The following EFCAB8 variants were observed in gnomAD, a reference collection of about 807,000 sequenced individuals.
The protein encoded by EFCAB8 is EF-hand calcium-binding domain-containing protein 8.
In EFCAB8, 100 loss-of-function variants were observed where a neutral mutation model predicts 116.3. The observed-to-expected ratio is 0.86, with a 90% CI of 0.73 to 1.02. EFCAB8 has a LOEUF of 1.02. Among genes scored for constraint, EFCAB8 ranks in the 50% least tolerant of loss-of-function variants. The pLI, the probability that EFCAB8 is intolerant of heterozygous loss-of-function variation, is 0.00. For synonymous variants in EFCAB8, 558 were observed against 567.9 expected (o/e 0.98, Z 0.25); for missense variants, 1,320 against 1,416.9 (o/e 0.93, Z 1.10).
At chr20:32,927,327 G>GTTTA (rs965684529) in intron 20 of EFCAB8, among the ~76,000 whole-genome samples, 5 of 151,994 alleles carry the variant, frequency 3.3e-5, no homozygotes, top group African/African-American at 9.6e-5. Flanking sequence ...ACCATGATTT[G>GTTTA]TTTATTTATT....
In EFCAB8 at chr20:32,937,223, G is replaced by T. The variant is rs191287750; in HGVS notation, c.2790+5887G>T. Among the ~76,000 whole-genome samples, 837 of 152,002 alleles carry T rather than the reference G, an allele frequency of 5.5e-3. 6 individuals are homozygous for T. The highest frequency in any genetic ancestry group is 0.014 in the Middle Eastern group (4 of 294). On this transcript the variant is annotated intron_variant, in intron 22 of 26. Coordinates refer to ENST00000400522, the MANE Select transcript of EFCAB8 (RefSeq NM_001143967.2). ...TCGAACTCCAGACCTCAGGTGATCC[G>T]ACTGCCTCGGCCTCCCAAAGTGCTG...
Position 32,943,773 on chromosome 20 carries a change from C to G in EFCAB8, c.2928C>G (p.Val976=). 1 of 416,854 alleles carries G rather than the reference C, an allele frequency of 2.4e-6. No homozygotes were observed. Among genetic ancestry groups the G allele is most frequent in the Middle Eastern group, 3.1e-4 (1 of 3,224 alleles). 25.8% of individuals were successfully genotyped at this position (416,854 alleles called of 1,614,324 possible). Residue 976 remains valine (V), a synonymous_variant, in exon 23 of 27, where the codon GTC becomes GTG. Transcript: ENST00000400522. The stretch of plus-strand genomic sequence containing the variant: ...TCAGCGCTGGCCAGGACCGGGACGT[C>G]AAGGCTTGGAAACTCTCCGGTGATG... ...LVISAGQDRD[V]KAWKLSGDAI...
chr20:32,929,849 G>A (rs1568936207), intron 20 of EFCAB8, among the ~76,000 whole-genome samples: 2 of 152,158 alleles, frequency 1.3e-5, no homozygotes, highest in African/African-American at 4.8e-5. Context: ...ACTTCCCACT[G>A]TGGCCCCCAC....
chr20:32,871,256 A>AT (rs1303695213), intron 3 of EFCAB8, among the ~76,000 whole-genome samples: 3 of 151,084 alleles, frequency 2.0e-5, no homozygotes, highest in South Asian at 2.1e-4. Flanking sequence ...CTTTGCTTTT[A>AT]TTTTTTTTAA....
Position 32,872,857 on chromosome 20 carries a change from C to T in EFCAB8, c.209-3069C>T, listed in dbSNP as rs150121624. ...CTGTAATCCCAGCATTTTGGGAGGC[C>T]GAGGTGGGCGGATCGCCTGTGGTCA... is the stretch of plus-strand genomic sequence containing the variant. On this transcript the variant is annotated intron_variant, in intron 3 of 26. Transcript: ENST00000400522. 1.9e-3 allele frequency among the ~76,000 whole-genome samples: 284 copies of T among 149,572 alleles called. 3 individuals are homozygous for T. Among genetic ancestry groups the T allele is most frequent in the African/African-American group, 6.4e-3 (258 of 40,494 alleles).
Position 32,867,606 on chromosome 20 carries a change from A to G in EFCAB8, c.67A>G (p.Asn23Asp). ...QKLSIPHGFQNKEAASSPTPS... is the reference protein window; with the variant it reads ...QKLSIPHGFQDKEAASSPTPS... ...GCTGTCCATCCCACATGGCTTCCAG[A>G]ACAAGGAGGCTGCTAGCTCCCCAAC... The change falls in exon 3 of 27, where the codon AAC becomes GAC. Residue 23 changes from asparagine (N) to aspartate (D), a missense_variant. Physicochemically the swap from Asn to Asp is conservative, Grantham distance 23. Transcript: ENST00000400522. 2.6e-6 allele frequency: 4 copies of G among 1,551,678 alleles called. 1 individual carries two copies. The Admixed American group carries it at 5.9e-5, about 23-fold the overall frequency.
chr20:32,930,547 C>G lies in EFCAB8; in HGVS notation c.2562C>G (p.Val854=). The G allele has an allele frequency of 1.3e-6, 2 of 1,552,262 alleles. No individual in the cohort carries two copies. The highest frequency in any genetic ancestry group is 1.7e-6 in the Non-Finnish European group (2 of 1,147,110). ...TGGACCTAGACAATGGGGATGTTGT[C>G]GTGGGTGCCATGGCCACTGATAAAA... The part of the protein sequence containing the change: ...FPVDLDNGDV[V]VGAMATDKND... The change falls in exon 21 of 27, where the codon GTC becomes GTG. Residue 854 remains valine, a synonymous_variant. Coordinates refer to ENST00000400522, the MANE Select transcript of EFCAB8 (RefSeq NM_001143967.2).
chr20:32,898,160 T>G (rs930723138), intron 10 of EFCAB8, among the ~76,000 whole-genome samples: 1 of 152,222 alleles, frequency 6.6e-6, no homozygotes, highest in African/African-American at 2.4e-5. Flanking sequence ...GATAACTAGA[T>G]TGTGGCCTGG....
At chr20:32,898,942 G>A (rs1986294478) in intron 11 of EFCAB8, among the ~76,000 whole-genome samples, 1 of 152,276 alleles carries the variant, frequency 6.6e-6, no homozygotes, top group East Asian at 1.9e-4. Context: ...GTGAAAGCAC[G>A]TACCTCACTT....
chr20:32,867,146 C>T (rs914014805), intron 2 of EFCAB8, among the ~76,000 whole-genome samples: 1 of 152,186 alleles, frequency 6.6e-6, no homozygotes, highest in Non-Finnish European at 1.5e-5. Flanking sequence ...TCTCAAACTC[C>T]TGACCTCAAA....
At chr20:32,890,546 C>T (rs1037991610) in intron 7 of EFCAB8, among the ~76,000 whole-genome samples, 3 of 152,170 alleles carry the variant, frequency 2.0e-5, no homozygotes, top group Non-Finnish European at 4.4e-5. Flanking sequence ...GTGCCTGGTA[C>T]CTTCTGGATG....
At position 32,860,493 on chromosome 20, in the gene EFCAB8, CTTTTTTTTTTT is replaced by C. The variant is rs71190881; in HGVS notation, c.-11+1508_-11+1518del. 1.6e-3 allele frequency among the ~76,000 whole-genome samples: 134 copies of C among 83,986 alleles called. 2 individuals are homozygous for C. The South Asian group carries it at 0.021, about 13-fold the overall frequency. The allele number at this position is 83,986 out of a possible 152,430, so 55.1% of individuals were successfully genotyped here. On this transcript the variant is annotated intron_variant, in intron 1 of 26. Transcript: ENST00000400522. ...TTTGTTCCATCGCTGATGGTGGTAA[CTTTTTTTTTTT>C]TTTTTTTTTTTTTTTTTTTTGAGAT...
At chr20:32,884,430 A>G (rs1490057887) in intron 5 of EFCAB8, among the ~76,000 whole-genome samples, 2 of 152,200 alleles carry the variant, frequency 1.3e-5, no homozygotes, top group Non-Finnish European at 2.9e-5. Context: ...TGGCCCTGAC[A>G]GAAGTGGCAG....
rs144400554 is a variant in EFCAB8, at chr20:32,863,570, C to G, written c.-10-213C>G. On this transcript the variant is annotated intron_variant, in intron 1 of 26. Transcript: ENST00000400522. ...CCTCTCTATCAGGGGAAGAAAGGCT[C>G]AAGTGCAAGCTTGGCAAAAGCTTTT... Among the ~76,000 whole-genome samples, 664 of 152,234 alleles carry G rather than the reference C, an allele frequency of 4.4e-3. 7 individuals are homozygous for G. The highest frequency in any genetic ancestry group is 0.015 in the African/African-American group (641 of 41,520).
intron 2 of EFCAB8, 21 bp downstream of exon 2, chr20:32,863,855 A>C (rs1248737868): frequency 1.3e-6 from 2 of 1,551,110 alleles, no homozygotes; most frequent in East Asian, 2.4e-5. Context: ...CAATTATCTG[A>C]ACTAATAAAG....
At chr20:32,912,893 G>A (rs1343889335) in intron 17 of EFCAB8, 29 bp downstream of exon 17, 1 of 715,654 alleles carries the variant, frequency 1.4e-6, no homozygotes, top group South Asian at 1.5e-5. Context: ...TGGTGAGTAG[G>A]TTCCAGTAGC....
intron 2 of EFCAB8, 94 bp downstream of exon 2, chr20:32,863,928 C>A: frequency 7.2e-7 from 1 of 1,397,968 alleles, no homozygotes; most frequent in Non-Finnish European, 9.7e-7. Flanking sequence ...GGTGTTTCTG[C>A]ATCGGGGAGG....
chr20:32,889,489 C>A, intron 7 of EFCAB8, 83 bp downstream of exon 7: 3 of 1,329,052 alleles, frequency 2.3e-6, no homozygotes, highest in Non-Finnish European at 3.2e-6. Context: ...GTTGGCTGAG[C>A]AACTGTGAAC....
In EFCAB8 at chr20:32,930,537, G is replaced by C; in HGVS notation, c.2552G>C (p.Gly851Ala). 2 of 1,552,344 alleles carry C rather than the reference G, an allele frequency of 1.3e-6. No homozygotes were observed. The highest frequency in any genetic ancestry group is 1.2e-5 in the South Asian group (1 of 84,058). ...AAGTTCCCTGTGGACCTAGACAATG[G>C]GGATGTTGTCGTGGGTGCCATGGCC... ...LGKFPVDLDNGDVVVGAMATD... is the reference protein window; with the variant it reads ...LGKFPVDLDNADVVVGAMATD... Residue 851 changes from glycine (G) to alanine (A), a missense_variant, in exon 21 of 27, where the codon GGG becomes GCG. By Grantham distance (60) the Gly-to-Ala change is moderately conservative. Transcript: ENST00000400522.
Sources: allele counts gnomAD v4.1 joint callset (sites outside exome capture counted in the v4.1 genomes callset), GRCh38; gene constraint gnomAD v4.1.1; transcripts MANE v1.5; gene names NCBI Gene and HGNC (gene_info 2026-07-23, HGNC 2026-07-21).